Variants in HNF1B observed in about 807,000 individuals in gnomAD.
HNF1B encodes HNF1 homeobox B, also known as hepatocyte nuclear factor 1-beta.
A neutral mutation model predicts 61.7 loss-of-function variants in HNF1B; 8 were observed. That is an observed-to-expected ratio of 0.13 (90% CI 0.08 to 0.23). The LOEUF is 0.23. HNF1B is among the 10% of genes least tolerant of loss of function. The probability of loss-of-function intolerance (pLI) is 1.00; values close to 1 mark genes in which losing one functional copy is unlikely to be tolerated. For missense variants in HNF1B, 562 were observed against 714.5 expected, an observed-to-expected ratio of 0.79 and a Z score of 2.43; for synonymous variants, 314 against 287.7, an observed-to-expected ratio of 1.09 and a Z score of -0.93.
chr17:37,715,873 T>C (rs948813152), intron 4 of HNF1B, among the ~76,000 whole-genome samples: 2 of 152,226 alleles, frequency 1.3e-5, no homozygotes, highest in African/African-American at 4.8e-5. Flanking sequence ...GGCTCATGCC[T>C]GTAATCCCAG....
rs541018977 is a variant in HNF1B at position 37,723,433 on chromosome 17, G to C, written c.1045+8162C>G. The stretch of plus-strand genomic sequence containing the variant: ...GTCATCTCGACTTCATGAACATCAT[G>C]AACCTGACCTCCTGCTACATGGTCA... On this transcript the variant is annotated intron_variant, in intron 4 of 8. Transcript: ENST00000617811. Among the ~76,000 whole-genome samples, 4 of 152,262 alleles carry C rather than the reference G, an allele frequency of 2.6e-5. No homozygotes were observed. The East Asian group carries it at 7.7e-4, about 29-fold the overall frequency.
chr17:37,722,572 C>G (rs911617125), intron 4 of HNF1B, among the ~76,000 whole-genome samples: 3 of 152,176 alleles, frequency 2.0e-5, no homozygotes, highest in Non-Finnish European at 4.4e-5. Flanking sequence ...TTGGGAAAGT[C>G]TACATGCTAA....
chr17:37,721,044 T>A, intron 4 of HNF1B: 1 of 722,930 alleles, frequency 1.4e-6, no homozygotes, highest in Non-Finnish European at 1.7e-6. Flanking sequence ...GAACAAGAAC[T>A]CACATAGACT....
chr17:37,703,167 A>G (rs2032627263), intron 6 of HNF1B, among the ~76,000 whole-genome samples: 1 of 152,234 alleles, frequency 6.6e-6, no homozygotes, highest in Non-Finnish European at 1.5e-5. Context: ...TCCATAGTGT[A>G]GGACCTCTGT....
At position 37,693,347 on chromosome 17, in the gene HNF1B, G is replaced by A. The variant is rs958526360; in HGVS notation, c.1653+5729C>T. On this transcript the variant is annotated intron_variant, in intron 8 of 8. Coordinates refer to ENST00000617811, the MANE Select transcript of HNF1B (RefSeq NM_000458.4). ...AGGCACATTGAATATTTTGTGAGAT[G>A]GGGGTGGGATTTTCCCCATTTATAG... Among the ~76,000 whole-genome samples, 3 of 152,122 alleles carry A rather than the reference G, an allele frequency of 2.0e-5. No homozygotes were observed. The East Asian group carries it at 5.8e-4, about 29-fold the overall frequency.
chr17:37,714,873 C>G (rs772432687), intron 4 of HNF1B, among the ~76,000 whole-genome samples: 5 of 152,118 alleles, frequency 3.3e-5, no homozygotes, highest in Non-Finnish European at 7.4e-5. Flanking sequence ...CAAAGTCACA[C>G]CATGCCTCTG....
At chr17:37,713,739 G>A (rs2033013470) in intron 4 of HNF1B, among the ~76,000 whole-genome samples, 1 of 152,222 alleles carries the variant, frequency 6.6e-6, no homozygotes, top group African/African-American at 2.4e-5. Context: ...TGTCACAGCA[G>A]TGTGATGGGA....
At chr17:37,737,554 G>A (rs1385347873) in intron 2 of HNF1B, among the ~76,000 whole-genome samples, 1 of 152,046 alleles carries the variant, frequency 6.6e-6, no homozygotes, top group Non-Finnish European at 1.5e-5. Flanking sequence ...ACAACTGGGT[G>A]CGGTGGCTCA....
At chr17:37,693,189 C>CAAA (rs11464180) in intron 8 of HNF1B, among the ~76,000 whole-genome samples, 58 of 47,664 alleles carry the variant, frequency 1.2e-3, no homozygotes, top group African/African-American at 1.5e-3. Flanking sequence ...GATTCCATCT[C>CAAA]AAAAAAAAAA....
At chr17:37,744,479 C>G in intron 1 of HNF1B, 62 bp downstream of exon 1, 1 of 1,551,560 alleles carries the variant, frequency 6.4e-7, no homozygotes, top group Non-Finnish European at 8.8e-7. Flanking sequence ...CAGTGTCACT[C>G]AGGCCCGGGG....
chr17:37,732,374 C>T (rs1371490651), intron 3 of HNF1B, among the ~76,000 whole-genome samples: 1 of 152,206 alleles, frequency 6.6e-6, no homozygotes, highest in African/African-American at 2.4e-5. Flanking sequence ...TTTATCAGGG[C>T]TGGTGAAACC....
chr17:37,698,993 C>A, intron 8 of HNF1B, 83 bp downstream of exon 8: 3 of 1,023,972 alleles, frequency 2.9e-6, no homozygotes, highest in Non-Finnish European at 4.7e-6. Context: ...TGGCCGAGTC[C>A]ATGCTTGCCA....
chr17:37,710,734 C>G (rs1040384092), intron 4 of HNF1B, 71 bp from the exon 5 acceptor site: 1 of 1,483,742 alleles, frequency 6.7e-7, no homozygotes, highest in African/African-American at 1.4e-5. Flanking sequence ...CTCGGCACCT[C>G]TTGTTTTCAA....
chr17:37,703,270 G>C (rs2032630746), intron 6 of HNF1B, among the ~76,000 whole-genome samples: 1 of 152,314 alleles, frequency 6.6e-6, no homozygotes, highest in Non-Finnish European at 1.5e-5. Flanking sequence ...ATCCTTCTGA[G>C]GTCAGTGTGC....
chr17:37,727,929 A>T (rs888702162), intron 4 of HNF1B, among the ~76,000 whole-genome samples: 1 of 151,354 alleles, frequency 6.6e-6, no homozygotes, highest in Admixed American at 6.6e-5. Flanking sequence ...CCCCCAGCTC[A>T]GTCTTTGGGG....
At chr17:37,727,121 G>A (rs1469694188) in intron 4 of HNF1B, among the ~76,000 whole-genome samples, 2 of 152,082 alleles carry the variant, frequency 1.3e-5, no homozygotes, top group Non-Finnish European at 2.9e-5. Flanking sequence ...CCTCCTCCTC[G>A]AGCCAATCAA....
intron 1 of HNF1B, among the ~76,000 whole-genome samples, chr17:37,743,651 G>C (rs1467314675): frequency 1.3e-5 from 2 of 152,212 alleles, no homozygotes; most frequent in African/African-American, 4.8e-5. Flanking sequence ...CTGTCTCAGG[G>C]AACCGCTCGG....
At chr17:37,739,918 T>C (rs1174421608) in intron 1 of HNF1B, among the ~76,000 whole-genome samples, 2 of 152,094 alleles carry the variant, frequency 1.3e-5, no homozygotes, top group South Asian at 2.1e-4. Flanking sequence ...CTCTCTCTTA[T>C]TAAGCAAAAA....
At chr17:37,739,082 G>A (rs1274366159) in intron 2 of HNF1B, among the ~76,000 whole-genome samples, 2 of 152,126 alleles carry the variant, frequency 1.3e-5, no homozygotes, top group Non-Finnish European at 2.9e-5. Flanking sequence ...ATTGACTGAT[G>A]GTCACGTATC....
Sources: allele counts gnomAD v4.1 joint callset (sites outside exome capture counted in the v4.1 genomes callset), GRCh38; gene constraint gnomAD v4.1.1; transcripts MANE v1.5; gene names NCBI Gene and HGNC (gene_info 2026-07-23, HGNC 2026-07-21).